ROBO1: variants seen among roughly 807,000 people sequenced by gnomAD.
The protein encoded by ROBO1 is roundabout homolog 1.
In ROBO1, 149 loss-of-function variants were observed where a neutral mutation model predicts 195.9. The observed-to-expected ratio is 0.76, with a 90% CI of 0.67 to 0.87. The LOEUF (loss-of-function observed/expected upper bound fraction) is 0.87. ROBO1 is among the 40% of genes least tolerant of loss of function. The pLI is 0.00. For missense variants in ROBO1, 1,933 were observed against 2,068.3 expected, an observed-to-expected ratio of 0.93 and a Z score of 1.27; for synonymous variants, 816 against 733.2, an observed-to-expected ratio of 1.11 and a Z score of -1.82.
Position 78,804,759 on chromosome 3 carries a change from AG to A in ROBO1, c.500-57860del, listed in dbSNP as rs1255278819. Among the ~76,000 whole-genome samples, 9 of 116,422 alleles carry A rather than the reference AG, an allele frequency of 7.7e-5. No individual in the cohort carries two copies. The East Asian group carries it at 2.0e-3, about 25-fold the overall frequency. The allele number at this position is 116,422 out of a possible 152,430, so 76.4% of individuals were successfully genotyped here. On this transcript the variant is annotated intron_variant, in intron 4 of 30. Coordinates refer to ENST00000464233, the MANE Select transcript of ROBO1 (RefSeq NM_002941.4). ...AAAAAAAAAAAAAAAAAAAAGCAAA[AG>A]GAAAGAAAAAAAAAATCCACTTAGG...
At chr3:78,889,625 T>C (rs2036767703) in intron 4 of ROBO1, among the ~76,000 whole-genome samples, 1 of 150,870 alleles carries the variant, frequency 6.6e-6, no homozygotes, top group Non-Finnish European at 1.5e-5. Flanking sequence ...CTTGACAATA[T>C]GGGGTTTTGA....
chr3:78,860,319 TA>T (rs2034740384), intron 4 of ROBO1, among the ~76,000 whole-genome samples: 1 of 70,768 alleles, frequency 1.4e-5, no homozygotes, highest in African/African-American at 6.0e-5. Context: ...TATATATATA[TA>T]TATATATTTT....
chr3:79,333,875 G>A (rs141191247), intron 2 of ROBO1, among the ~76,000 whole-genome samples: 1,713 of 152,102 alleles, frequency 0.011, 43 homozygotes, highest in African/African-American at 0.036. Flanking sequence ...CTCACAATTC[G>A]TTTGTAAGAA....
chr3:78,860,326 A>ATATATATATATATATATATATTTT (rs376853384), intron 4 of ROBO1, among the ~76,000 whole-genome samples: 6 of 93,518 alleles, frequency 6.4e-5, no homozygotes, highest in African/African-American at 2.7e-4. Context: ...ATATATATAT[A>ATATATATATATATATATATATTTT]TTTTTTTTTT....
intron 2 of ROBO1, among the ~76,000 whole-genome samples, chr3:79,163,191 C>G (rs1334292992): frequency 1.3e-5 from 2 of 152,102 alleles, no homozygotes; most frequent in Non-Finnish European, 2.9e-5. Flanking sequence ...TGCCTCCCCA[C>G]AGTTCCTGGC....
chr3:78,959,270 T>C (rs2041216191), intron 3 of ROBO1, among the ~76,000 whole-genome samples: 1 of 141,384 alleles, frequency 7.1e-6, no homozygotes, highest in South Asian at 2.4e-4. Flanking sequence ...CAAAGTTTAC[T>C]GAAAGGCAAT....
At chr3:78,920,234 ATCCT>A in intron 4 of ROBO1, among the ~76,000 whole-genome samples, 5 of 152,230 alleles carry the variant, frequency 3.3e-5, no homozygotes, top group African/African-American at 1.2e-4. Flanking sequence ...ATGATTAAGA[ATCCT>A]TCATGATTAA....
chr3:78,717,531 A>T, intron 6 of ROBO1, 118 bp from the exon 7 acceptor site: 1 of 982,552 alleles, frequency 1.0e-6, no homozygotes, highest in Non-Finnish European at 1.5e-6. Context: ...AAATTATTCC[A>T]CAGAGTCCCC....
chr3:79,642,380 C>T (rs1271002798), intron 1 of ROBO1, among the ~76,000 whole-genome samples: 17 of 152,232 alleles, frequency 1.1e-4, no homozygotes, highest in Admixed American at 1.1e-3. Flanking sequence ...TAACAGAAAA[C>T]TTTCCAAAAC....
At chr3:79,678,183 T>C (rs1005916266) in intron 1 of ROBO1, among the ~76,000 whole-genome samples, 1 of 152,050 alleles carries the variant, frequency 6.6e-6, no homozygotes, top group Non-Finnish European at 1.5e-5. Flanking sequence ...GTAACTTTTC[T>C]AAACCTTTAG....
At chr3:79,681,016 G>C (rs1455817110) in intron 1 of ROBO1, among the ~76,000 whole-genome samples, 2 of 151,962 alleles carry the variant, frequency 1.3e-5, no homozygotes, top group Non-Finnish European at 2.9e-5. Flanking sequence ...TGGAAAAAAT[G>C]AGTTCAAGGA....
At chr3:78,781,788 T>A (rs2083685177) in intron 4 of ROBO1, among the ~76,000 whole-genome samples, 1 of 152,208 alleles carries the variant, frequency 6.6e-6, no homozygotes, top group Non-Finnish European at 1.5e-5. Context: ...ATATGTATTT[T>A]TAATCTTAGT....
intron 2 of ROBO1, among the ~76,000 whole-genome samples, chr3:79,305,343 C>T (rs184228293): frequency 1.3e-5 from 2 of 151,820 alleles, no homozygotes; most frequent in South Asian, 2.1e-4. Flanking sequence ...AAAAATTAGC[C>T]GGGTGTGGTG....
At chr3:79,677,911 C>T (rs1246478712) in intron 1 of ROBO1, among the ~76,000 whole-genome samples, 1 of 152,008 alleles carries the variant, frequency 6.6e-6, no homozygotes, top group Non-Finnish European at 1.5e-5. Flanking sequence ...ATGCCTGAGC[C>T]ACAGAAACAT....
intron 4 of ROBO1, among the ~76,000 whole-genome samples, chr3:78,799,048 G>T (rs1263459578): frequency 1.3e-5 from 2 of 152,060 alleles, no homozygotes; most frequent in Non-Finnish European, 2.9e-5. Flanking sequence ...TGAGAGTGAT[G>T]ATATGATAGA....
chr3:79,626,029 C>G (rs1335347591), intron 1 of ROBO1, among the ~76,000 whole-genome samples: 1 of 152,190 alleles, frequency 6.6e-6, no homozygotes, highest in Admixed American at 6.5e-5. Context: ...AGCTTCATCC[C>G]TGGTTCAACA....
At chr3:79,038,279 C>T (rs1000407238) in intron 3 of ROBO1, among the ~76,000 whole-genome samples, 1 of 152,140 alleles carries the variant, frequency 6.6e-6, no homozygotes, top group Non-Finnish European at 1.5e-5. Context: ...ATTGAAGGAG[C>T]CTTTGAACTT....
At chr3:78,753,669 G>A (rs949586189) in intron 4 of ROBO1, among the ~76,000 whole-genome samples, 1 of 152,086 alleles carries the variant, frequency 6.6e-6, no homozygotes, top group Non-Finnish European at 1.5e-5. Flanking sequence ...TTGTCCTAAT[G>A]CTCTCCTTCC....
rs1013273985 is a variant in ROBO1, at chr3:78,638,170, AGT to A, written c.3037+1572_3037+1573del. Among the ~76,000 whole-genome samples the A allele has an allele frequency of 1.0e-4, 15 of 147,766 alleles. 1 individual carries two copies. Among genetic ancestry groups the A allele is most frequent in the African/African-American group, 3.0e-4 (12 of 39,874 alleles). ...AATAAATGTATGCATGCACACCTGC[AGT>A]GTGTGTGTGTGTATATATATGTGTG... On this transcript the variant is annotated intron_variant, in intron 22 of 30. Coordinates refer to ENST00000464233, the MANE Select transcript of ROBO1 (RefSeq NM_002941.4).
Sources: allele counts gnomAD v4.1 joint callset (sites outside exome capture counted in the v4.1 genomes callset), GRCh38; gene constraint gnomAD v4.1.1; transcripts MANE v1.5; gene names NCBI Gene and HGNC (gene_info 2026-07-23, HGNC 2026-07-21).